Variants in ZMAT4 observed in about 807,000 individuals in gnomAD.
ZMAT4 encodes zinc finger matrin-type 4.
ZMAT4 carries 17 observed loss-of-function variants against 28.7 expected under a neutral mutation model. That is an observed-to-expected ratio of 0.59 (90% CI 0.41 to 0.89). The LOEUF (loss-of-function observed/expected upper bound fraction) is 0.89, where lower values mean the gene tolerates loss of function less well. Ranked by LOEUF, ZMAT4 falls within the 40% of genes least tolerant of loss-of-function variation. ZMAT4 has a pLI of 0.00. For synonymous variants in ZMAT4, 117 were observed against 109.2 expected (o/e 1.07, Z -0.44); for missense variants, 240 against 283.8 (o/e 0.85, Z 1.11).
At chr8:40,745,113 G>A (rs1242772222) in intron 3 of ZMAT4, among the ~76,000 whole-genome samples, 1 of 152,236 alleles carries the variant, frequency 6.6e-6, no homozygotes, top group Non-Finnish European at 1.5e-5. Context: ...AGCAGTGGCA[G>A]GCAGGGCCGA....
intron 2 of ZMAT4, among the ~76,000 whole-genome samples, chr8:40,794,851 G>T (rs368433116): frequency 6.6e-6 from 1 of 151,080 alleles, no homozygotes; most frequent in South Asian, 2.1e-4. Context: ...CAATGATTGC[G>T]TTCATGTGAA....
intron 5 of ZMAT4, among the ~76,000 whole-genome samples, chr8:40,653,929 A>C (rs1807800464): frequency 6.6e-6 from 1 of 152,196 alleles, no homozygotes; most frequent in Non-Finnish European, 1.5e-5. Flanking sequence ...TGTCATATAA[A>C]TGAGCCAAAG....
intron 5 of ZMAT4, among the ~76,000 whole-genome samples, chr8:40,582,107 G>A (rs752624524): frequency 5.3e-5 from 8 of 152,038 alleles, no homozygotes; most frequent in African/African-American, 9.7e-5. Flanking sequence ...TTCTGACTCC[G>A]GTCATTTCTA....
chr8:40,562,485 TG>T (rs1803778807), intron 6 of ZMAT4, among the ~76,000 whole-genome samples: 1 of 2,072 alleles, frequency 4.8e-4, no homozygotes, highest in Non-Finnish European at 0.022. Context: ...AGGGTTCTGC[TG>T]TTATAATTTG....
intron 5 of ZMAT4, among the ~76,000 whole-genome samples, chr8:40,611,155 C>T (rs1003098686): frequency 6.6e-6 from 1 of 152,118 alleles, no homozygotes; most frequent in African/African-American, 2.4e-5. Flanking sequence ...TTTGACTTTG[C>T]TCTTTCATTT....
At chr8:40,543,092 CT>C (rs111802848) in intron 6 of ZMAT4, among the ~76,000 whole-genome samples, 5,538 of 149,440 alleles carry the variant, frequency 0.037, 188 homozygotes, top group East Asian at 0.13. Context: ...TCTATGCTAA[CT>C]TTTTTTTTTT....
chr8:40,697,164 T>C (rs982130124), intron 4 of ZMAT4, 81 bp downstream of exon 4: 2 of 1,451,198 alleles, frequency 1.4e-6, no homozygotes, highest in African/African-American at 2.8e-5. Flanking sequence ...GGCAACTGCG[T>C]CTGAAGGAGG....
chr8:40,668,570 A>C (rs1273103889), intron 5 of ZMAT4, among the ~76,000 whole-genome samples: 1 of 152,090 alleles, frequency 6.6e-6, no homozygotes, highest in Non-Finnish European at 1.5e-5. Context: ...TAGGGAAAAA[A>C]AATGCCACTA....
intron 3 of ZMAT4, among the ~76,000 whole-genome samples, chr8:40,701,076 A>G (rs1810124385): frequency 6.6e-6 from 1 of 152,154 alleles, no homozygotes; most frequent in Non-Finnish European, 1.5e-5. Context: ...CATTTTTCCA[A>G]CTGACAGAAA....
At position 40,640,315 on chromosome 8, in the gene ZMAT4, G is replaced by A. The variant is rs764238692; in HGVS notation, c.577+34389C>T. On this transcript the variant is annotated intron_variant, in intron 5 of 6. Coordinates refer to ENST00000297737, the MANE Select transcript of ZMAT4 (RefSeq NM_024645.3). ...TTAATGTTCTGGATGACTTTGCAGA[G>A]GATGTGAAGGCTAGAATGGTAGCTC... Among the ~76,000 whole-genome samples, 31 of 152,138 alleles carry A rather than the reference G, an allele frequency of 2.0e-4. 1 individual carries two copies. Among genetic ancestry groups the A allele is most frequent in the Admixed American group, 1.3e-4 (2 of 15,278 alleles).
chr8:40,895,938 G>C (rs1383106422), intron 1 of ZMAT4, among the ~76,000 whole-genome samples: 3 of 152,146 alleles, frequency 2.0e-5, no homozygotes, highest in Admixed American at 1.3e-4. Flanking sequence ...CCACCGGCTG[G>C]GAAAAGTTCA....
chr8:40,679,058 C>A (rs754105735), intron 4 of ZMAT4, among the ~76,000 whole-genome samples: 11 of 152,088 alleles, frequency 7.2e-5, no homozygotes, highest in Non-Finnish European at 1.2e-4. Context: ...GATTCAGAGT[C>A]TATAAAATCA....
chr8:40,763,123 A>T (rs768362938), intron 3 of ZMAT4, among the ~76,000 whole-genome samples: 2 of 152,192 alleles, frequency 1.3e-5, no homozygotes, highest in Non-Finnish European at 2.9e-5. Context: ...ATGCCCAGGC[A>T]TATGTCTATG....
At chr8:40,890,766 G>A (rs948300688) in intron 1 of ZMAT4, among the ~76,000 whole-genome samples, 3 of 152,050 alleles carry the variant, frequency 2.0e-5, no homozygotes, top group Non-Finnish European at 4.4e-5. Context: ...AACATGCCTC[G>A]TATGGGCAGA....
chr8:40,774,810 G>A (rs1022591392), intron 2 of ZMAT4, among the ~76,000 whole-genome samples: 1 of 151,970 alleles, frequency 6.6e-6, no homozygotes, highest in Non-Finnish European at 1.5e-5. Flanking sequence ...AAAAGGATTA[G>A]CATTGTTTAT....
intron 5 of ZMAT4, among the ~76,000 whole-genome samples, chr8:40,599,447 C>T (rs936691916): frequency 6.6e-6 from 1 of 152,058 alleles, no homozygotes; most frequent in Non-Finnish European, 1.5e-5. Flanking sequence ...ATACTGACTT[C>T]CAGAAAGTTG....
chr8:40,572,591 T>A (rs900746658), intron 6 of ZMAT4, among the ~76,000 whole-genome samples: 1 of 152,192 alleles, frequency 6.6e-6, no homozygotes, highest in African/African-American at 2.4e-5. Flanking sequence ...GAATTGTTCA[T>A]TAATCTATGG....
rs111420203 is a variant in ZMAT4, at chr8:40,674,068, C to A, written c.577+636G>T. Among the ~76,000 whole-genome samples, 48 of 145,508 alleles carry A rather than the reference C, an allele frequency of 3.3e-4. 1 individual carries two copies. Among genetic ancestry groups the A allele is most frequent in the African/African-American group, 1.1e-3 (44 of 39,668 alleles). ...TTTAAGGTAAGATAATACTATTTGG[C>A]CTTTTTATCATCTTTTTTTTTTTTT... On this transcript the variant is annotated intron_variant, in intron 5 of 6. Transcript: ENST00000297737.
chr8:40,690,949 C>A (rs1809636818), intron 4 of ZMAT4: 1 of 983,660 alleles, frequency 1.0e-6, no homozygotes, highest in Non-Finnish European at 1.2e-6. Flanking sequence ...ACTGTTCCTG[C>A]AAATAAGAAA....
Sources: gnomAD v4.1 joint callset for allele counts (sites outside exome capture counted in the v4.1 genomes callset) on GRCh38, gnomAD v4.1.1 for gene constraint, MANE v1.5 for transcripts, NCBI Gene and HGNC (gene_info 2026-07-23, HGNC 2026-07-21) for gene names.